FAM222B: variants seen among roughly 807,000 people sequenced by gnomAD.
FAM222B encodes the protein protein FAM222B.
In FAM222B, 12 loss-of-function variants were observed where a neutral mutation model predicts 38.0. The ratio of observed to expected loss-of-function variants is 0.32; its 90% CI spans 0.20 to 0.51. The LOEUF (loss-of-function observed/expected upper bound fraction) is 0.51, where lower values mean the gene tolerates loss of function less well. Ranked by LOEUF, FAM222B falls within the 20% of genes least tolerant of loss-of-function variation. FAM222B has a pLI of 0.97. For synonymous variants in FAM222B, 329 were observed against 317.2 expected, an observed-to-expected ratio of 1.04 and a Z score of -0.40; for missense variants, 716 against 754.2, an observed-to-expected ratio of 0.95 and a Z score of 0.59.
chr17:28,774,559 T>C (rs571748928), intron 1 of FAM222B, among the ~76,000 whole-genome samples: 1 of 152,268 alleles, frequency 6.6e-6, no homozygotes, highest in African/African-American at 2.4e-5. Context: ...GGAACAAACC[T>C]TTTTCCCTAC....
At chr17:28,801,053 A>G (rs968935079) in intron 1 of FAM222B, among the ~76,000 whole-genome samples, 1 of 151,658 alleles carries the variant, frequency 6.6e-6, no homozygotes, top group Non-Finnish European at 1.5e-5. Context: ...GCTACTCAGG[A>G]GGCTGAGGCA....
intron 1 of FAM222B, among the ~76,000 whole-genome samples, chr17:28,771,496 A>G (rs937835050): frequency 6.6e-6 from 1 of 151,832 alleles, no homozygotes; most frequent in African/African-American, 2.4e-5. Context: ...CCTGGCCAAC[A>G]TAGTGAAACC....
At chr17:28,847,299 A>G (rs1336256918), upstream of FAM222B, among the ~76,000 whole-genome samples, 1 of 151,630 alleles carries the variant, frequency 6.6e-6, no homozygotes, top group Non-Finnish European at 1.5e-5. Context: ...CTTCCTTACT[A>G]AAATAGTGTA....
At chr17:28,850,643 A>G (rs2039174677) in intron 1 of FAM222B, among the ~76,000 whole-genome samples, 1 of 151,902 alleles carries the variant, frequency 6.6e-6, no homozygotes, top group Non-Finnish European at 1.5e-5. Flanking sequence ...TGGGACCTTG[A>G]TTTTGAAACA....
At chr17:28,842,559 A>C (rs1206799034) in intron 1 of FAM222B, 123 bp downstream of exon 1, 1 of 152,142 alleles carries the variant, frequency 6.6e-6, no homozygotes, top group Non-Finnish European at 1.5e-5. Context: ...CATCACCTCA[A>C]ACTGTACCTC....
chr17:28,822,802 C>CAAAAAAAAAAAAAAAAAAAA (rs71135859), intron 1 of FAM222B, among the ~76,000 whole-genome samples: 1 of 9,884 alleles, frequency 1.0e-4, no homozygotes, highest in Non-Finnish European at 1.8e-4. Flanking sequence ...GACTCCATCT[C>CAAAAAAAAAAAAAAAAAAAA]AAAAAAAAAA....
intron 1 of FAM222B, among the ~76,000 whole-genome samples, chr17:28,789,085 A>C (rs1306322029): frequency 2.0e-5 from 3 of 150,698 alleles, no homozygotes; most frequent in African/African-American, 4.9e-5. Context: ...ACCTCAAAAA[A>C]AAAAAAAAAA....
At chr17:28,835,836 T>G (rs2038827959) in intron 1 of FAM222B, among the ~76,000 whole-genome samples, 1 of 151,448 alleles carries the variant, frequency 6.6e-6, no homozygotes, top group Non-Finnish European at 1.5e-5. Context: ...CACACCCGGC[T>G]CATTTTTTTT....
At chr17:28,799,473 T>G (rs1381616052) in intron 1 of FAM222B, among the ~76,000 whole-genome samples, 4 of 149,120 alleles carry the variant, frequency 2.7e-5, no homozygotes, top group Non-Finnish European at 6.0e-5. Flanking sequence ...AATTTTTTTT[T>G]GTTGTTGTTG....
rs59467944 is a variant in FAM222B, at chr17:28,787,826, C to CT, written c.-40-21120dup. 6.8e-3 allele frequency among the ~76,000 whole-genome samples: 886 copies of CT among 130,162 alleles called. 19 individuals are homozygous for CT. The highest frequency in any genetic ancestry group is 8.0e-3 in the African/African-American group (266 of 33,206). 85.4% of individuals were successfully genotyped at this position (130,162 alleles called of 152,430 possible). On this transcript the variant is annotated intron_variant, in intron 1 of 2. Transcript: ENST00000581407. ...ACAAATAAAAAACTAATAAAGTAGT[C>CT]TTTTTTTTTTTTTTTTTGAGACGGA...
At chr17:28,764,271 CAAAAAAAAAAAAA>C (rs35314377) in intron 2 of FAM222B, among the ~76,000 whole-genome samples, 35 of 43,848 alleles carry the variant, frequency 8.0e-4, no homozygotes. Context: ...GACTCCATCT[CAAAAAAAAAAAAA>C]AAAAAAAAAA....
chr17:28,845,681 G>A (rs1445045058), upstream of FAM222B, among the ~76,000 whole-genome samples: 3 of 151,836 alleles, frequency 2.0e-5, no homozygotes, highest in African/African-American at 7.3e-5. Flanking sequence ...AGATCATAAG[G>A]TCAGGAGATC....
chr17:28,770,657 G>A (rs1465177448), intron 1 of FAM222B, among the ~76,000 whole-genome samples: 4 of 150,658 alleles, frequency 2.7e-5, no homozygotes, highest in Admixed American at 6.6e-5. Flanking sequence ...ACAATGCTCC[G>A]CCTCCTGGGT....
chr17:28,760,905 T>C (rs949930432), intron 2 of FAM222B, among the ~76,000 whole-genome samples: 1 of 152,238 alleles, frequency 6.6e-6, no homozygotes, highest in Admixed American at 6.5e-5. Context: ...CAGTTTACTC[T>C]ATGCCCGACT....
chr17:28,763,960 C>A (rs2035205817), intron 2 of FAM222B, among the ~76,000 whole-genome samples: 1 of 152,122 alleles, frequency 6.6e-6, no homozygotes, highest in African/African-American at 2.4e-5. Context: ...GTCCCCAGAG[C>A]CCCAGTGTTC....
intron 1 of FAM222B, among the ~76,000 whole-genome samples, chr17:28,779,469 A>G (rs2036062190): frequency 6.6e-6 from 1 of 152,138 alleles, no homozygotes; most frequent in Non-Finnish European, 1.5e-5. Context: ...AGCATCTGAC[A>G]GGCCGGGCGC....
intron 1 of FAM222B, among the ~76,000 whole-genome samples, chr17:28,830,015 A>G (rs1044561743): frequency 6.6e-6 from 1 of 151,828 alleles, no homozygotes; most frequent in Non-Finnish European, 1.5e-5. Context: ...ATGCCTGGCT[A>G]ATTTTTTGTA....
chr17:28,774,501 T>A (rs2035791911), intron 1 of FAM222B, among the ~76,000 whole-genome samples: 1 of 152,172 alleles, frequency 6.6e-6, no homozygotes, highest in Non-Finnish European at 1.5e-5. Context: ...CCAACTCTCC[T>A]GGGGCACCTG....
At chr17:28,773,353 G>A (rs1193324504) in intron 1 of FAM222B, among the ~76,000 whole-genome samples, 5 of 151,496 alleles carry the variant, frequency 3.3e-5, no homozygotes, top group Non-Finnish European at 5.9e-5. Context: ...GTGGTGGTGG[G>A]TGCCTGTAAT....
Sources: gnomAD v4.1 joint callset for allele counts (sites outside exome capture counted in the v4.1 genomes callset) on GRCh38, gnomAD v4.1.1 for gene constraint, MANE v1.5 for transcripts, NCBI Gene and HGNC (gene_info 2026-07-23, HGNC 2026-07-21) for gene names.